Variants in CYRIB observed in about 807,000 individuals in gnomAD.
CYRIB encodes CYFIP related Rac1 interactor B.
A neutral mutation model predicts 44.2 loss-of-function variants in CYRIB; 8 were observed. That is an observed-to-expected ratio of 0.18 (90% confidence interval 0.11 to 0.33). The LOEUF is 0.33. CYRIB is among the 10% of genes least tolerant of loss of function. The pLI, the probability that CYRIB is intolerant of heterozygous loss-of-function variation, is 1.00. For missense variants in CYRIB, 185 were observed against 382.8 expected, an observed-to-expected ratio of 0.48 and a Z score of 4.31; for synonymous variants, 131 against 127.2, an observed-to-expected ratio of 1.03 and a Z score of -0.20.
At chr8:129,965,523 G>A (rs902065858) in intron 2 of CYRIB, among the ~76,000 whole-genome samples, 3 of 152,120 alleles carry the variant, frequency 2.0e-5, no homozygotes, top group Admixed American at 6.5e-5. Context: ...CAGGCCGGGC[G>A]CGGTGGCTCA....
intron 3 of CYRIB, among the ~76,000 whole-genome samples, chr8:129,878,682 C>T (rs905245191): frequency 6.6e-6 from 1 of 152,086 alleles, no homozygotes; most frequent in African/African-American, 2.4e-5. Flanking sequence ...AAAGCAAAAG[C>T]TTTGCAACAT....
intron 1 of CYRIB, among the ~76,000 whole-genome samples, chr8:129,904,146 G>A (rs2073937754): frequency 6.6e-6 from 1 of 152,120 alleles, no homozygotes; most frequent in African/African-American, 2.4e-5. Context: ...AGCAAATAAA[G>A]ACATTAACCC....
At chr8:129,923,913 T>A (rs183600827) in intron 1 of CYRIB, among the ~76,000 whole-genome samples, 82 of 149,810 alleles carry the variant, frequency 5.5e-4, no homozygotes, top group Middle Eastern at 3.4e-3. Context: ...ATTTTTTTTT[T>A]AAAACACTGC....
intron 11 of CYRIB, among the ~76,000 whole-genome samples, chr8:129,842,607 T>G (rs1166644293): frequency 1.5e-4 from 23 of 152,172 alleles, no homozygotes; most frequent in Non-Finnish European, 2.8e-4. Context: ...TTTGGATGAC[T>G]GGGGGGCAAA....
chr8:129,934,143 T>C lies in CYRIB; in HGVS notation c.-50+5465A>G, dbSNP rs915231612. Among the ~76,000 whole-genome samples the C allele has an allele frequency of 4.3e-4, 66 of 152,126 alleles. 2 individuals carry two copies. The highest frequency in any genetic ancestry group is 4.2e-3 in the Admixed American group (64 of 15,274). ...AGGTGCCCCTTGGGGTTTTGAACGC[T>C]TTACCTCCCTGACACAGCAATCAAG... On this transcript the variant is annotated intron_variant, in intron 1 of 11. Transcript: ENST00000519824.
chr8:129,889,777 T>C lies in CYRIB; in HGVS notation c.-10-10306A>G, dbSNP rs76033794. Among the ~76,000 whole-genome samples the C allele has an allele frequency of 3.3e-5, 5 of 151,632 alleles. No homozygotes were observed. In the South Asian group the frequency reaches 1.0e-3, roughly 32 times the overall value. Reference sequence around the variant, plus strand: ...ATGAGGAGTTGCTTCTTATGGATAATCAAAGAAAATGGTTTCTTTCCTTTT... The same window carrying C: ...ATGAGGAGTTGCTTCTTATGGATAACCAAAGAAAATGGTTTCTTTCCTTTT... On this transcript the variant is annotated intron_variant, in intron 2 of 11. Transcript: ENST00000519824.
chr8:130,003,310 TG>T (rs1311744860), intron 1 of CYRIB, among the ~76,000 whole-genome samples: 1 of 152,204 alleles, frequency 6.6e-6, no homozygotes, highest in Non-Finnish European at 1.5e-5. Flanking sequence ...ATTCCCAAAG[TG>T]GGTTCCCTGG....
intron 1 of CYRIB, among the ~76,000 whole-genome samples, chr8:129,908,205 G>T (rs1351327499): frequency 1.3e-5 from 2 of 152,062 alleles, no homozygotes; most frequent in East Asian, 1.9e-4. Flanking sequence ...ATGGAAAGAT[G>T]AATCAATCAT....
rs2096943560 is a variant in CYRIB at position 130,003,056 on chromosome 8, C to G, written c.-296+13314G>C. Among the ~76,000 whole-genome samples, 3 of 152,270 alleles carry G rather than the reference C, an allele frequency of 2.0e-5. No homozygotes were observed. In the South Asian group the frequency reaches 6.2e-4, roughly 32 times the overall value. ...TTACTCCAGAGGATTCTGAAGAAGC[C>G]TATGGAATCAAATTAGGGAACCACT... On this transcript the variant is annotated intron_variant, in intron 1 of 14. Coordinates refer to the CYRIB transcript ENST00000401979.
At chr8:129,975,147 G>C (rs1290271382) in intron 1 of CYRIB, among the ~76,000 whole-genome samples, 1 of 152,046 alleles carries the variant, frequency 6.6e-6, no homozygotes, top group African/African-American at 2.4e-5. Context: ...CCAAAGTGCT[G>C]GGATTACAGG....
intron 2 of CYRIB, among the ~76,000 whole-genome samples, chr8:129,899,184 T>A (rs1195860054): frequency 6.6e-6 from 1 of 152,138 alleles, no homozygotes; most frequent in African/African-American, 2.4e-5. Flanking sequence ...TATCATTTTT[T>A]AAAATACAAT....
In CYRIB at chr8:129,965,448, T is replaced by A. The variant is rs571286769; in HGVS notation, c.-243+5495A>T. ...AAGAATATATCCTGAAAATCATTCC[T>A]TCTTAGCAGATATGACCTACTATTT... On this transcript the variant is annotated intron_variant, in intron 2 of 14. Transcript: ENST00000401979. Among the ~76,000 whole-genome samples, 8 of 152,316 alleles carry A rather than the reference T, an allele frequency of 5.3e-5. No homozygotes were observed. In the South Asian group the frequency reaches 1.7e-3, roughly 32 times the overall value.
chr8:129,941,472 C>T (rs552260898), upstream of CYRIB, among the ~76,000 whole-genome samples: 52 of 152,102 alleles, frequency 3.4e-4, no homozygotes, highest in African/African-American at 1.3e-3. Context: ...CGGGGTTTCA[C>T]CATGTTGCCC....
At chr8:129,866,610 T>C (rs1157588228) in intron 4 of CYRIB, among the ~76,000 whole-genome samples, 1 of 151,976 alleles carries the variant, frequency 6.6e-6, no homozygotes, top group Non-Finnish European at 1.5e-5. Context: ...AAAAAGCAAA[T>C]AGACAAAAGT....
intron 2 of CYRIB, among the ~76,000 whole-genome samples, chr8:129,900,050 G>A (rs978715467): frequency 1.3e-5 from 2 of 152,088 alleles, no homozygotes; most frequent in East Asian, 3.8e-4. Context: ...CTAAAAAAAC[G>A]GAGAAAGGGG....
At chr8:129,911,736 TG>T (rs1326712800) in intron 1 of CYRIB, among the ~76,000 whole-genome samples, 1 of 152,088 alleles carries the variant, frequency 6.6e-6, no homozygotes, top group East Asian at 1.9e-4. Flanking sequence ...TTTTCAATTA[TG>T]AAAAACCTGA....
At chr8:129,910,170 A>G (rs760811371) in intron 1 of CYRIB, among the ~76,000 whole-genome samples, 8 of 152,272 alleles carry the variant, frequency 5.3e-5, no homozygotes, top group Non-Finnish European at 1.0e-4. Context: ...TGGCTCCAAG[A>G]TGTGGCCAGA....
chr8:129,989,398 C>A (rs977757584), intron 1 of CYRIB, among the ~76,000 whole-genome samples: 13 of 152,192 alleles, frequency 8.5e-5, no homozygotes, highest in African/African-American at 2.7e-4. Flanking sequence ...AAGTTTCCAT[C>A]TCACTGATTA....
chr8:129,852,082 A>G (rs2043566218), intron 8 of CYRIB, 80 bp downstream of exon 10: 1 of 811,162 alleles, frequency 1.2e-6, no homozygotes, highest in South Asian at 2.4e-5. Flanking sequence ...ATGGTATTTA[A>G]TGTCTTGGGC....
Sources: gnomAD v4.1 joint callset for allele counts (sites outside exome capture counted in the v4.1 genomes callset) on GRCh38, gnomAD v4.1.1 for gene constraint, MANE v1.5 for transcripts, NCBI Gene and HGNC (gene_info 2026-07-23, HGNC 2026-07-21) for gene names.